RAD52: variants seen among roughly 807,000 people sequenced by gnomAD.
RAD52 encodes DNA repair protein RAD52 homolog.
Under a neutral mutation model 55.5 loss-of-function variants are expected in RAD52, and 47 were observed. The observed-to-expected ratio is 0.85, with a 90% CI of 0.67 to 1.08. RAD52 has a LOEUF of 1.08. RAD52 is among the 50% of genes least tolerant of loss of function. The pLI, the probability that RAD52 is intolerant of heterozygous loss-of-function variation, is 0.00. For missense variants in RAD52, 468 were observed against 522.8 expected, an observed-to-expected ratio of 0.90 and a Z score of 1.02; for synonymous variants, 184 against 198.9, an observed-to-expected ratio of 0.92 and a Z score of 0.63.
intron 1 of RAD52, among the ~76,000 whole-genome samples, chr12:979,643 G>A (rs1218472016): frequency 2.0e-5 from 3 of 152,122 alleles, no homozygotes; most frequent in Admixed American, 1.3e-4. Context: ...CAGGAAGAGA[G>A]GCCTCACAAT....
intron 1 of RAD52, among the ~76,000 whole-genome samples, chr12:966,735 CG>C (rs1417808841): frequency 6.6e-6 from 1 of 151,970 alleles, no homozygotes; most frequent in Non-Finnish European, 1.5e-5. Context: ...AAAACAGACA[CG>C]GATCTGTCCT....
intron 1 of RAD52, among the ~76,000 whole-genome samples, chr12:955,940 C>T (rs574280614): frequency 1.5e-5 from 1 of 64,972 alleles, no homozygotes; most frequent in South Asian, 7.2e-4. Context: ...GCCACCATGC[C>T]CGGCTAATTT....
intron 1 of RAD52, among the ~76,000 whole-genome samples, chr12:988,134 G>T (rs1168625800): frequency 6.6e-6 from 1 of 151,558 alleles, no homozygotes; most frequent in Non-Finnish European, 1.5e-5. Context: ...CACCATACCT[G>T]GCTAAGTTTT....
intron 7 of RAD52, among the ~76,000 whole-genome samples, chr12:924,104 A>G (rs1956891632): frequency 6.9e-6 from 1 of 145,066 alleles, no homozygotes; most frequent in Admixed American, 7.0e-5. Flanking sequence ...TCTCATAAAC[A>G]TAGATGCAAA....
At chr12:972,800 G>C (rs1402658670) in intron 1 of RAD52, among the ~76,000 whole-genome samples, 2 of 148,032 alleles carry the variant, frequency 1.4e-5, no homozygotes, top group Non-Finnish European at 3.0e-5. Flanking sequence ...GGCCGCTCTT[G>C]AGGTGGGGGC....
rs74508860 is a variant in RAD52 at position 969,791 on chromosome 12, T to TAAA, written c.-19+20015_-19+20017dup. Among the ~76,000 whole-genome samples the TAAA allele has an allele frequency of 4.3e-3, 599 of 138,992 alleles. 3 individuals carry two copies. The highest frequency in any genetic ancestry group is 7.8e-3 in the Non-Finnish European group (498 of 63,606). 91.2% of individuals were successfully genotyped at this position (138,992 alleles called of 152,430 possible). On this transcript the variant is annotated intron_variant, in intron 1 of 11. Transcript: ENST00000430095. ...GGTGACAGAGCAAGACCCTGACTCT[T>TAAA]AAAAAAAAAAAAAGATTTTAGTATG...
At chr12:925,311 C>T (rs2154112565) in intron 7 of RAD52, 139 bp downstream of exon 7, 2 of 734,960 alleles carry the variant, frequency 2.7e-6, no homozygotes, top group East Asian at 2.5e-5. Flanking sequence ...CTCTAACATT[C>T]GAAATCTGAA....
chr12:983,804 C>G (rs1959051628), intron 1 of RAD52, among the ~76,000 whole-genome samples: 1 of 152,136 alleles, frequency 6.6e-6, no homozygotes, highest in South Asian at 2.1e-4. Context: ...GGACACCAGT[C>G]CTACTGGGTT....
chr12:919,452 A>T (rs959099744), intron 7 of RAD52, among the ~76,000 whole-genome samples: 9 of 152,114 alleles, frequency 5.9e-5, no homozygotes, highest in African/African-American at 2.2e-4. Flanking sequence ...CAACAAAAAA[A>T]GAGAAATTTG....
chr12:973,782 C>CTTTTT (rs750425355), intron 1 of RAD52, among the ~76,000 whole-genome samples: 4 of 113,490 alleles, frequency 3.5e-5, no homozygotes, highest in African/African-American at 7.4e-5. Context: ...CCCAGTCCTT[C>CTTTTT]TTTTTTTTTT....
intron 1 of RAD52, among the ~76,000 whole-genome samples, chr12:964,033 G>A (rs150342249): frequency 2.0e-3 from 298 of 152,110 alleles, no homozygotes; most frequent in Non-Finnish European, 3.2e-3. Flanking sequence ...CTGGAGTGTC[G>A]GAGGTACAAC....
At chr12:985,318 T>G (rs1210062315) in intron 1 of RAD52, among the ~76,000 whole-genome samples, 2 of 151,968 alleles carry the variant, frequency 1.3e-5, no homozygotes, top group East Asian at 3.9e-4. Context: ...TCTTTCAAAT[T>G]TTTTGCAGAC....
chr12:921,687 CATGAG>C lies in RAD52; in HGVS notation c.543+3758_543+3762del, dbSNP rs150297521. Among the ~76,000 whole-genome samples, 1,170 of 151,822 alleles carry C rather than the reference CATGAG, an allele frequency of 7.7e-3. 12 individuals carry two copies. Among genetic ancestry groups the C allele is most frequent in the African/African-American group, 0.026 (1,078 of 41,362 alleles). ...CCTGGGTGACAGGGCGAGATCTTGT[CATGAG>C]ATGAGATGAGATGAGATGAATAAAA... On this transcript the variant is annotated intron_variant, in intron 7 of 11. Transcript: ENST00000358495.
At chr12:914,227 G>GA (rs1267105629) in intron 10 of RAD52, 106 bp from the exon 11 acceptor site, 16 of 1,302,942 alleles carry the variant, frequency 1.2e-5, no homozygotes, top group Non-Finnish European at 1.5e-5. Context: ...AGTACCTTCT[G>GA]AAAGTTTTTG....
chr12:966,949 C>CTT (rs1958778768), intron 1 of RAD52, among the ~76,000 whole-genome samples: 1 of 151,750 alleles, frequency 6.6e-6, no homozygotes, highest in Non-Finnish European at 1.5e-5. Flanking sequence ...CTTATTTTTC[C>CTT]CTGTGCTGTA....
At chr12:967,839 G>A (rs1245195117) in intron 1 of RAD52, among the ~76,000 whole-genome samples, 1 of 152,020 alleles carries the variant, frequency 6.6e-6, no homozygotes, top group Non-Finnish European at 1.5e-5. Context: ...GAGAGGCTGG[G>A]GTGGGAGGAT....
intron 1 of RAD52, 24 bp from the exon 2 acceptor site, chr12:933,100 A>C: frequency 1.3e-6 from 2 of 1,506,066 alleles, no homozygotes. Flanking sequence ...AAGCGGAAAA[A>C]AAAAACAACC....
chr12:958,351 G>C (rs905552114), intron 1 of RAD52, among the ~76,000 whole-genome samples: 1 of 152,140 alleles, frequency 6.6e-6, no homozygotes, highest in Non-Finnish European at 1.5e-5. Flanking sequence ...AAGTAGCTGG[G>C]ATTATAAGCG....
At chr12:971,837 C>T (rs61596374) in intron 1 of RAD52, among the ~76,000 whole-genome samples, 5,506 of 151,998 alleles carry the variant, frequency 0.036, 265 homozygotes, top group African/African-American at 0.11. Flanking sequence ...AGGCTCCGCC[C>T]CCCGGGGTTC....
Sources: gnomAD v4.1 joint callset for allele counts (sites outside exome capture counted in the v4.1 genomes callset) on GRCh38, gnomAD v4.1.1 for gene constraint, MANE v1.5 for transcripts, NCBI Gene and HGNC (gene_info 2026-07-23, HGNC 2026-07-21) for gene names.